ZNF594: variants seen among roughly 807,000 people sequenced by gnomAD.
ZNF594 encodes the protein zinc finger protein 594, also known as zinc finger protein HZF18.
For synonymous variants in ZNF594, 336 were observed against 309.4 expected (o/e 1.09, Z -0.90); for missense variants, 1,037 against 964.6 (o/e 1.08, Z -0.99).
In ZNF594 at chr17:5,182,207, C is replaced by A. The variant is rs114754534; in HGVS notation, c.2050G>T (p.Glu684Ter). ...CGCCGCCTGAAGGCATTCCCACATTCACTGCACTGATAGGGTTTCTCTCCA... is the reference window on the plus strand; with the variant it reads ...CGCCGCCTGAAGGCATTCCCACATTAACTGCACTGATAGGGTTTCTCTCCA... ...HTGEKPYQCSECGNAFRRRSL... is the reference protein window; with the variant it reads ...HTGEKPYQCS Residue 684 changes from glutamate (E) to a stop codon, truncating the protein, a stop_gained, in exon 2 of 2, where the codon GAA (glutamate) becomes TAA (stop). Transcript: ENST00000575779. LOFTEE classifies it low-confidence loss of function (END_TRUNC). The A allele has an allele frequency of 8.5e-4, 1,365 of 1,613,532 alleles. 49 individuals are homozygous for A. In the African/African-American group the frequency reaches 0.016, roughly 19 times the overall value.
At chr17:5,190,817 A>T (rs2074417633) in intron 1 of ZNF594, among the ~76,000 whole-genome samples, 1 of 152,036 alleles carries the variant, frequency 6.6e-6, no homozygotes, top group African/African-American at 2.4e-5. Context: ...AGGCATAGCT[A>T]GTGTAAACTG....
intron 1 of ZNF594, among the ~76,000 whole-genome samples, chr17:5,190,967 G>A (rs1184970110): frequency 1.3e-5 from 2 of 152,118 alleles, no homozygotes; most frequent in Admixed American, 6.5e-5. Context: ...CCGTGCAATT[G>A]GAACTGTTTA....
chr17:5,189,523 G>C (rs546380793), intron 1 of ZNF594, among the ~76,000 whole-genome samples: 1 of 150,878 alleles, frequency 6.6e-6, no homozygotes, highest in African/African-American at 2.4e-5. Flanking sequence ...ACAGGCGTGA[G>C]CCACTGTGCC....
chr17:5,182,766 G>C lies in ZNF594; in HGVS notation c.1491C>G (p.Phe497Leu), dbSNP rs371748239. 1.8e-5 allele frequency: 29 copies of C among 1,613,966 alleles called. No homozygotes were observed. The highest frequency in any genetic ancestry group is 2.7e-5 in the African/African-American group (2 of 74,878). ...GTTGAATAAGGAGTGAACGCCGCCT[G>C]AAGGCTTTCCCACATTCAGTGCACT... ...PYQCTECGKA[F>L]RRRSLLIQHR... The change falls in exon 2 of 2, where the codon TTC (phenylalanine) becomes TTG (leucine). Residue 497 changes from phenylalanine to leucine, a missense_variant. By Grantham distance (22) the Phe-to-Leu change is conservative. Coordinates refer to ENST00000575779, the MANE Select transcript of ZNF594 (RefSeq NM_032530.2).
chr17:5,178,391 ACT>A (rs2074319106), downstream of ZNF594, among the ~76,000 whole-genome samples: 2 of 152,174 alleles, frequency 1.3e-5, no homozygotes, highest in Non-Finnish European at 2.9e-5. Context: ...GTCATAAATA[ACT>A]CTTAGCATAT....
At chr17:5,175,374 T>C (rs2074300007), downstream of ZNF594, among the ~76,000 whole-genome samples, 1 of 152,222 alleles carries the variant, frequency 6.6e-6, no homozygotes, top group Admixed American at 6.5e-5. Context: ...GTGCTCCTTA[T>C]GAGAATCTAA....
At chr17:5,176,273 T>TAATCCCAGCTACTTG (rs1389677036), downstream of ZNF594, among the ~76,000 whole-genome samples, 2 of 150,956 alleles carry the variant, frequency 1.3e-5, no homozygotes, top group Admixed American at 1.3e-4. Flanking sequence ...TGCATGCCTG[T>TAATCCCAGCTACTTG]AATCCCAGCT....
At chr17:5,178,934 C>T (rs562903926), downstream of ZNF594, among the ~76,000 whole-genome samples, 158 of 152,122 alleles carry the variant, frequency 1.0e-3, 1 homozygote, top group African/African-American at 3.7e-3. Flanking sequence ...AACATAAGAA[C>T]ACAAATGACC....
Position 5,184,041 on chromosome 17 carries a change from G to T in ZNF594, c.216C>A (p.Ile72=). The T allele has an allele frequency of 6.2e-7, 1 of 1,614,134 alleles. No homozygotes were observed. Among genetic ancestry groups the T allele is most frequent in the Non-Finnish European group, 8.5e-7 (1 of 1,180,032 alleles). The change falls in exon 2 of 2, where the codon ATC becomes ATA. Residue 72 remains isoleucine, a synonymous_variant. Coordinates refer to ENST00000575779, the MANE Select transcript of ZNF594 (RefSeq NM_032530.2). ...TCTCTCCCACAATGGCTTTCTGGGG[G>T]ATAATATGCATTTCCCTGATACCGC... ...QESGIREMHI[I]PQKAIVGEIG... is the part of the protein sequence containing the mutation.
chr17:5,178,877 C>T (rs888714430), downstream of ZNF594, among the ~76,000 whole-genome samples: 3 of 151,980 alleles, frequency 2.0e-5, no homozygotes, highest in African/African-American at 7.3e-5. Context: ...TAGAAATGAC[C>T]CCATAAAGGA....
At chr17:5,189,151 GC>G (rs1308275604) in intron 1 of ZNF594, among the ~76,000 whole-genome samples, 5 of 151,156 alleles carry the variant, frequency 3.3e-5, no homozygotes, top group Admixed American at 2.0e-4. Flanking sequence ...TCAGTATACT[GC>G]CCAGGCTGGT....
intron 1 of ZNF594, among the ~76,000 whole-genome samples, chr17:5,191,064 C>G (rs1249138447): frequency 1.3e-5 from 2 of 152,112 alleles, no homozygotes; most frequent in African/African-American, 4.8e-5. Flanking sequence ...TAAAATCCCC[C>G]CTCCCCTATT....
At chr17:5,190,498 A>T (rs1168557360) in intron 1 of ZNF594, among the ~76,000 whole-genome samples, 1 of 152,240 alleles carries the variant, frequency 6.6e-6, no homozygotes, top group Admixed American at 6.5e-5. Flanking sequence ...TTTCATGCCC[A>T]GTTCTTAGTA....
Position 5,184,097 on chromosome 17 carries a change from C to G in ZNF594, c.160G>C (p.Asp54His), listed in dbSNP as rs1391532976. The change falls in exon 2 of 2, where the codon GAT (aspartate) becomes CAT (histidine). Residue 54 changes from aspartate to histidine, a missense_variant. Physicochemically the swap from Asp to His is moderately conservative, Grantham distance 81 (BLOSUM62 -1). Coordinates refer to ENST00000575779, the MANE Select transcript of ZNF594 (RefSeq NM_032530.2). ...TGGGAAGGGAGATGTCTCATTGCAT[C>G]CTTTAAAGGGCTTACCCAGTGCTTC... The part of the protein sequence containing the change: ...LLKHWVSPLK[D>H]AMRHLPSQES... The G allele has an allele frequency of 6.2e-7, 1 of 1,614,172 alleles. No individual in the cohort carries two copies. Among genetic ancestry groups the G allele is most frequent in the Admixed American group, 1.7e-5 (1 of 60,020 alleles).
downstream of ZNF594, among the ~76,000 whole-genome samples, chr17:5,175,250 C>T (rs2074298147): frequency 6.6e-6 from 1 of 152,166 alleles, no homozygotes; most frequent in African/African-American, 2.4e-5. Flanking sequence ...TAGCCGCTCC[C>T]CCTTGCTCCC....
At position 5,182,687 on chromosome 17, in the gene ZNF594, G is replaced by C. The variant is rs1254423297; in HGVS notation, c.1570C>G (p.Leu524Val). The change falls in exon 2 of 2, where the codon CTC becomes GTC. Residue 524 changes from leucine (L) to valine (V), a missense_variant. By Grantham distance (32) the Leu-to-Val change is conservative. Coordinates refer to ENST00000575779, the MANE Select transcript of ZNF594 (RefSeq NM_032530.2). ...KPYECKECGK[L>V]FIWRTAFLKH... ...AGGAAAGCTGTGCGCCAAATGAAGA[G>C]CTTCCCACATTCCTTACATTCATAG... 1.2e-6 allele frequency: 2 copies of C among 1,613,514 alleles called. No homozygotes were observed. Among genetic ancestry groups the C allele is most frequent in the East Asian group, 4.5e-5 (2 of 44,766 alleles).
chr17:5,175,839 A>C (rs1184949860), downstream of ZNF594, among the ~76,000 whole-genome samples: 2 of 152,056 alleles, frequency 1.3e-5, no homozygotes, highest in Admixed American at 1.3e-4. Flanking sequence ...TGACAGCTGT[A>C]GGTCCTTCAC....
At chr17:5,186,904 T>TA (rs2074389591) in intron 1 of ZNF594, among the ~76,000 whole-genome samples, 1 of 152,202 alleles carries the variant, frequency 6.6e-6, no homozygotes, top group African/African-American at 2.4e-5. Context: ...GCCTGGACCT[T>TA]ATTGTCCATA....
chr17:5,188,789 C>T (rs1891981549), intron 1 of ZNF594, among the ~76,000 whole-genome samples: 2 of 150,340 alleles, frequency 1.3e-5, no homozygotes, highest in South Asian at 4.2e-4. Context: ...GCTCTGTTAC[C>T]CAGGCTGGAG....
Sources: gnomAD v4.1 joint callset for allele counts (sites outside exome capture counted in the v4.1 genomes callset) on GRCh38, gnomAD v4.1.1 for gene constraint, MANE v1.5 for transcripts, NCBI Gene and HGNC (gene_info 2026-07-23, HGNC 2026-07-21) for gene names.